Variants in BCAS3 observed in about 807,000 individuals in gnomAD.
The protein encoded by BCAS3 is BCAS3 microtubule associated cell migration factor.
Under a neutral mutation model 116.1 loss-of-function variants are expected in BCAS3, and 53 were observed. The ratio of observed to expected loss-of-function variants is 0.46; its 90% confidence interval spans 0.37 to 0.57. The LOEUF is 0.57. Among genes scored for constraint, BCAS3 ranks in the 20% least tolerant of loss-of-function variants. The pLI is 0.00. For synonymous variants in BCAS3, 391 were observed against 408.2 expected, an observed-to-expected ratio of 0.96 and a Z score of 0.51; for missense variants, 917 against 1,165.4, an observed-to-expected ratio of 0.79 and a Z score of 3.10.
intron 7 of BCAS3, among the ~76,000 whole-genome samples, chr17:60,850,293 T>C (rs1380474196): frequency 6.6e-6 from 1 of 150,918 alleles, no homozygotes; most frequent in Non-Finnish European, 1.5e-5. Context: ...GAGAATTCCC[T>C]GTACTCTGCT....
chr17:60,953,337 T>C (rs913301382), intron 14 of BCAS3, among the ~76,000 whole-genome samples: 10 of 152,196 alleles, frequency 6.6e-5, no homozygotes, highest in African/African-American at 2.2e-4. Context: ...ATCCTGGTTT[T>C]GATTTGCATT....
chr17:60,912,215 G>A (rs540674808), intron 12 of BCAS3, among the ~76,000 whole-genome samples: 1 of 152,094 alleles, frequency 6.6e-6, no homozygotes, highest in African/African-American at 2.4e-5. Context: ...CCTAGAATGA[G>A]ATAGGAGTAG....
Position 60,967,875 on chromosome 17 carries a change from C to T in BCAS3, c.1221+20523C>T, listed in dbSNP as rs2061741066. Among the ~76,000 whole-genome samples the T allele has an allele frequency of 1.3e-5, 2 of 152,114 alleles. No individual in the cohort carries two copies. The highest frequency in any genetic ancestry group is 4.8e-5 in the African/African-American group (2 of 41,490). The stretch of plus-strand genomic sequence containing the variant: ...AGTTCAGCAAATATGTTTCTCAGTT[C>T]CAAGATTTCTATATTTTTTCCCAAT... On this transcript the variant is annotated intron_variant, in intron 14 of 23. Transcript: ENST00000407086. This position sits in a 1 kb window ranked among gnomAD's most constrained non-coding sequence, Gnocchi z 4.7.
chr17:60,765,999 T>G (rs943256880), intron 6 of BCAS3, among the ~76,000 whole-genome samples: 7 of 152,242 alleles, frequency 4.6e-5, no homozygotes, highest in East Asian at 3.8e-4. Flanking sequence ...CATGTGCATG[T>G]GTCACGTAGT....
intron 9 of BCAS3, among the ~76,000 whole-genome samples, chr17:60,887,930 A>C (rs2056841990): frequency 2.6e-5 from 4 of 152,318 alleles, no homozygotes; most frequent in Admixed American, 2.6e-4. Flanking sequence ...TGGGAAATGA[A>C]TTCTTTTAAC....
intron 6 of BCAS3, among the ~76,000 whole-genome samples, chr17:60,774,456 G>T (rs1479867727): frequency 6.6e-6 from 1 of 152,014 alleles, no homozygotes; most frequent in Non-Finnish European, 1.5e-5. Context: ...CCTTATTATG[G>T]GTTGTATCTA....
Position 61,028,533 on chromosome 17 carries a change from ACAAAG to A in BCAS3, c.1638-6127_1638-6123del, listed in dbSNP as rs1190491524. On this transcript the variant is annotated intron_variant, in intron 16 of 23. Transcript: ENST00000407086. The surrounding 1 kb of genome is among the most constrained non-coding windows in gnomAD (Gnocchi z 4.3). ...TTTAGGATAAATTCTTCTTCTAAGTACAAAGCAAAGAGTTGTAGTATGTTAATAAA... is the reference window on the plus strand; with the variant it reads ...TTTAGGATAAATTCTTCTTCTAAGTACAAAGAGTTGTAGTATGTTAATAAA... Among the ~76,000 whole-genome samples, 1 of 151,930 alleles carries A rather than the reference ACAAAG, an allele frequency of 6.6e-6. No individual in the cohort carries two copies.
intron 11 of BCAS3, among the ~76,000 whole-genome samples, chr17:60,908,155 GT>G (rs370349223): frequency 0.011 from 1,557 of 148,036 alleles, 35 homozygotes; most frequent in African/African-American, 0.037. Context: ...CAATAGTCAT[GT>G]TTTTTTTTTC....
chr17:61,377,576 C>T lies in BCAS3; in HGVS notation c.2593+9082C>T, dbSNP rs757446869. ...TGTGACCCTGGGCAAGTGCCTTTCC[C>T]TCTCTGGGCCAGTTTCTTCCTCTGT... On this transcript the variant is annotated intron_variant, in intron 23 of 23. Coordinates refer to ENST00000407086, the MANE Select transcript of BCAS3 (RefSeq NM_017679.5). This position sits in a 1 kb window ranked among gnomAD's most constrained non-coding sequence, Gnocchi z 4.6. Among the ~76,000 whole-genome samples the T allele has an allele frequency of 1.3e-5, 2 of 152,204 alleles. No individual in the cohort carries two copies. Among genetic ancestry groups the T allele is most frequent in the Non-Finnish European group, 2.9e-5 (2 of 68,042 alleles).
chr17:60,752,025 G>A (rs556453683), intron 6 of BCAS3, among the ~76,000 whole-genome samples: 28 of 152,058 alleles, frequency 1.8e-4, no homozygotes, highest in African/African-American at 6.5e-4. Flanking sequence ...TGTACCAAAG[G>A]CCCATATTAA....
At chr17:60,919,576 G>A (rs1443847518) in intron 12 of BCAS3, among the ~76,000 whole-genome samples, 2 of 152,106 alleles carry the variant, frequency 1.3e-5, no homozygotes, top group African/African-American at 4.8e-5. Context: ...ACCCGCCTTG[G>A]CCTCCCAAAG....
chr17:60,974,992 C>CTTT (rs1568007292), intron 14 of BCAS3, among the ~76,000 whole-genome samples: 20 of 142,074 alleles, frequency 1.4e-4, no homozygotes, highest in African/African-American at 5.3e-4. Flanking sequence ...GTTTTTTTTG[C>CTTT]TTTTTTGTTT....
At position 61,017,733 on chromosome 17, in the gene BCAS3, G is replaced by A. The variant is rs1568131357; in HGVS notation, c.1637+1832G>A. Among the ~76,000 whole-genome samples, 1 of 152,112 alleles carries A rather than the reference G, an allele frequency of 6.6e-6. No individual in the cohort carries two copies. Among genetic ancestry groups the A allele is most frequent in the Non-Finnish European group, 1.5e-5 (1 of 68,000 alleles). On this transcript the variant is annotated intron_variant, in intron 16 of 23. Coordinates refer to ENST00000407086, the MANE Select transcript of BCAS3 (RefSeq NM_017679.5). The surrounding 1 kb of genome is among the most constrained non-coding windows in gnomAD (Gnocchi z 4.7). ...TTCATAATATTTATGGTGAGGGGTA[G>A]GAAGTGAGTCTGCTTTTTTATGTAG...
rs1170828043 is a variant in BCAS3, at chr17:60,960,296, T to C, written c.1221+12944T>C. Among the ~76,000 whole-genome samples the C allele has an allele frequency of 2.0e-5, 3 of 152,216 alleles. No homozygotes were observed. The East Asian group carries it at 5.8e-4, about 29-fold the overall frequency. On this transcript the variant is annotated intron_variant, in intron 14 of 23. Transcript: ENST00000407086. The surrounding 1 kb of genome is among the most constrained non-coding windows in gnomAD (Gnocchi z 4.1). ...AAATATTATCGGCTCAAAGGTCCAATCTTATCATCTCAATCATCTGACTCT... is the reference window on the plus strand; with the variant it reads ...AAATATTATCGGCTCAAAGGTCCAACCTTATCATCTCAATCATCTGACTCT...
At chr17:61,143,406 A>T (rs139032771) in intron 22 of BCAS3, among the ~76,000 whole-genome samples, 6 of 152,358 alleles carry the variant, frequency 3.9e-5, no homozygotes, top group Admixed American at 3.9e-4. Flanking sequence ...TTTACTTCCC[A>T]CAAATGTAGA....
At chr17:60,899,466 C>T (rs1056889806) in intron 10 of BCAS3, among the ~76,000 whole-genome samples, 2 of 152,058 alleles carry the variant, frequency 1.3e-5, no homozygotes, top group African/African-American at 4.8e-5. Flanking sequence ...GGAATGAGCC[C>T]AGATCACACC....
chr17:61,284,947 T>A (rs2051602802), intron 22 of BCAS3, among the ~76,000 whole-genome samples: 1 of 152,170 alleles, frequency 6.6e-6, no homozygotes, highest in African/African-American at 2.4e-5. Flanking sequence ...TGAATGAATG[T>A]ATAAGTGAAG....
intron 22 of BCAS3, among the ~76,000 whole-genome samples, chr17:61,194,072 G>A (rs997803448): frequency 3.9e-5 from 6 of 152,002 alleles, no homozygotes; most frequent in Admixed American, 2.6e-4. Flanking sequence ...AGCCAAGATC[G>A]TGCCACTGCA....
intron 22 of BCAS3, among the ~76,000 whole-genome samples, chr17:61,269,806 T>C (rs114869954): frequency 0.011 from 1,609 of 146,030 alleles, 32 homozygotes; most frequent in African/African-American, 0.041. Flanking sequence ...TTCTTTCTTT[T>C]TTTTTTTTTT....
Sources: allele counts gnomAD v4.1 joint callset (sites outside exome capture counted in the v4.1 genomes callset), GRCh38; gene constraint gnomAD v4.1.1; non-coding constraint Gnocchi (gnomAD v3.1); transcripts MANE v1.5; gene names NCBI Gene and HGNC (gene_info 2026-07-23, HGNC 2026-07-21).